GRID2: variants seen among roughly 807,000 people sequenced by gnomAD.
GRID2 encodes the protein glutamate ionotropic receptor delta type subunit 2, also known as glutamate receptor ionotropic, delta-2.
Under a neutral mutation model 114.8 loss-of-function variants are expected in GRID2, and 33 were observed. That is an observed-to-expected ratio of 0.29 (90% CI 0.22 to 0.38). The LOEUF (loss-of-function observed/expected upper bound fraction) is 0.38, where lower values mean the gene tolerates loss of function less well. Ranked by LOEUF, GRID2 falls within the 10% of genes least tolerant of loss-of-function variation. The pLI is 1.00. For missense variants in GRID2, 1,184 were observed against 1,257.7 expected (o/e 0.94, Z 0.89); for synonymous variants, 505 against 449.9 (o/e 1.12, Z -1.55).
intron 2 of GRID2, among the ~76,000 whole-genome samples, chr4:92,834,258 T>C (rs1234993961): frequency 2.0e-5 from 3 of 152,198 alleles, no homozygotes; most frequent in Non-Finnish European, 4.4e-5. Context: ...TTTTGATTTT[T>C]ATTTCATATA....
intron 10 of GRID2, among the ~76,000 whole-genome samples, chr4:93,434,845 T>A (rs559602729): frequency 6.6e-6 from 1 of 152,294 alleles, no homozygotes; most frequent in East Asian, 1.9e-4. Context: ...TATCTCTCCC[T>A]CTGTCACCAT....
At chr4:93,395,947 A>C (rs529361236) in intron 9 of GRID2, among the ~76,000 whole-genome samples, 2 of 152,038 alleles carry the variant, frequency 1.3e-5, no homozygotes, top group East Asian at 3.9e-4. Flanking sequence ...TTTTAGGCTC[A>C]ATTTCCATCC....
intron 4 of GRID2, among the ~76,000 whole-genome samples, chr4:93,122,522 A>G (rs1481770236): frequency 6.6e-6 from 1 of 152,144 alleles, no homozygotes; most frequent in Non-Finnish European, 1.5e-5. Flanking sequence ...TAATTGAAAT[A>G]AGAATCTTCC....
At chr4:92,873,851 A>G (rs951845316) in intron 2 of GRID2, among the ~76,000 whole-genome samples, 1 of 152,066 alleles carries the variant, frequency 6.6e-6, no homozygotes, top group Admixed American at 6.6e-5. Context: ...AGTAGCTGAG[A>G]TTACAGGCAT....
intron 8 of GRID2, among the ~76,000 whole-genome samples, chr4:93,304,591 A>G (rs1052545715): frequency 6.6e-6 from 1 of 152,164 alleles, no homozygotes; most frequent in Non-Finnish European, 1.5e-5. Context: ...GCAAAAGAAC[A>G]TTGTTTTGTG....
chr4:93,105,682 T>G (rs1024372711), intron 3 of GRID2, among the ~76,000 whole-genome samples: 4 of 152,130 alleles, frequency 2.6e-5, no homozygotes, highest in Admixed American at 6.6e-5. Flanking sequence ...TCACTCAAGA[T>G]CTCTTTCCCC....
At chr4:93,612,369 T>G (rs1234801522) in intron 13 of GRID2, among the ~76,000 whole-genome samples, 16 of 150,484 alleles carry the variant, frequency 1.1e-4, no homozygotes, top group Non-Finnish European at 1.6e-4. Flanking sequence ...GTTAGCTGGT[T>G]ATTTTGCTTG....
chr4:93,023,052 C>A (rs1723533719), intron 2 of GRID2, among the ~76,000 whole-genome samples: 1 of 150,798 alleles, frequency 6.6e-6, no homozygotes, highest in Admixed American at 6.6e-5. Context: ...GATTTTAGGA[C>A]ATTTAATGAG....
At chr4:93,207,508 A>T (rs775016750) in intron 5 of GRID2, 51 bp downstream of exon 5, 2 of 1,147,232 alleles carry the variant, frequency 1.7e-6, no homozygotes, top group East Asian at 4.8e-5. Flanking sequence ...TTTCACATAT[A>T]TAATTGTAGC....
At chr4:93,741,779 C>T (rs1047225838) in intron 14 of GRID2, among the ~76,000 whole-genome samples, 1 of 152,040 alleles carries the variant, frequency 6.6e-6, no homozygotes, top group East Asian at 1.9e-4. Context: ...CAAAAATTAG[C>T]TGGGCATGGT....
chr4:93,338,838 A>G (rs1759349677), intron 8 of GRID2, among the ~76,000 whole-genome samples: 2 of 152,070 alleles, frequency 1.3e-5, no homozygotes. Context: ...ATGACCCCCA[A>G]AGAGCCTTTT....
intron 1 of GRID2, among the ~76,000 whole-genome samples, chr4:92,414,590 T>C (rs1392102353): frequency 1.3e-5 from 2 of 152,156 alleles, no homozygotes; most frequent in African/African-American, 4.8e-5. Flanking sequence ...CCATTGACAG[T>C]GATGAGCTAT....
intron 2 of GRID2, among the ~76,000 whole-genome samples, chr4:92,681,317 A>G (rs1453814437): frequency 6.6e-6 from 1 of 152,202 alleles, no homozygotes; most frequent in Non-Finnish European, 1.5e-5. Context: ...CTTTATCAAT[A>G]TTGTGGGTGT....
downstream of GRID2, among the ~76,000 whole-genome samples, chr4:93,776,032 A>T (rs193083712): frequency 8.3e-4 from 126 of 152,304 alleles, no homozygotes; most frequent in African/African-American, 3.0e-3. Context: ...TATAATCAGA[A>T]TTTTCCAATG....
chr4:93,362,691 C>A (rs191592850), intron 8 of GRID2, among the ~76,000 whole-genome samples: 119 of 152,136 alleles, frequency 7.8e-4, no homozygotes, highest in African/African-American at 2.6e-3. Context: ...CTCAGGCCTG[C>A]ACCACTGAGA....
chr4:93,494,655 A>G (rs751010223), intron 12 of GRID2, among the ~76,000 whole-genome samples: 7 of 151,774 alleles, frequency 4.6e-5, no homozygotes, highest in South Asian at 2.1e-4. Flanking sequence ...CCTATGTTTA[A>G]TATAATATAA....
intron 1 of GRID2, among the ~76,000 whole-genome samples, chr4:92,330,842 C>A (rs1726848078): frequency 6.6e-6 from 1 of 151,948 alleles, no homozygotes; most frequent in Non-Finnish European, 1.5e-5. Flanking sequence ...TGAAAAAGTT[C>A]TGAATTTTTT....
chr4:93,657,892 A>C (rs912059775), intron 14 of GRID2, among the ~76,000 whole-genome samples: 4 of 152,190 alleles, frequency 2.6e-5, no homozygotes, highest in African/African-American at 9.7e-5. Context: ...TTTTGAGGGC[A>C]ATCAAGATGT....
intron 1 of GRID2, among the ~76,000 whole-genome samples, chr4:92,469,390 G>C (rs1184139440): frequency 6.6e-6 from 1 of 152,010 alleles, no homozygotes; most frequent in Non-Finnish European, 1.5e-5. Context: ...AAATGCTCAA[G>C]CTCCTTATGT....
Sources: gnomAD v4.1 joint callset for allele counts (sites outside exome capture counted in the v4.1 genomes callset) on GRCh38, gnomAD v4.1.1 for gene constraint, MANE v1.5 for transcripts, NCBI Gene and HGNC (gene_info 2026-07-23, HGNC 2026-07-21) for gene names.